The following SYNE2 variants were observed in gnomAD, a reference collection of about 807,000 sequenced individuals.
SYNE2 encodes the protein spectrin repeat containing nuclear envelope protein 2, also known as nesprin-2.
Under a neutral mutation model 856.3 loss-of-function variants are expected in SYNE2, and 431 were observed. The ratio of observed to expected loss-of-function variants is 0.50; its 90% confidence interval spans 0.47 to 0.55. The LOEUF (loss-of-function observed/expected upper bound fraction) is 0.55, where lower values mean the gene tolerates loss of function less well. Ranked by LOEUF, SYNE2 falls within the 20% of genes least tolerant of loss-of-function variation. The pLI, the probability that SYNE2 is intolerant of heterozygous loss-of-function variation, is 0.00. For missense variants in SYNE2, 8,129 were observed against 8,023.2 expected, an observed-to-expected ratio of 1.01 and a Z score of -0.50; for synonymous variants, 2,923 against 2,872.3, an observed-to-expected ratio of 1.02 and a Z score of -0.56.
At chr14:63,851,766 C>CAT (rs1351882870), upstream of SYNE2, among the ~76,000 whole-genome samples, 1 of 151,916 alleles carries the variant, frequency 6.6e-6, no homozygotes, top group East Asian at 1.9e-4. Context: ...TAGCCACAGA[C>CAT]ATATATATGA....
intron 109 of SYNE2, among the ~76,000 whole-genome samples, 165 bp from the exon 110 acceptor site, chr14:64,219,043 G>C (rs2098679803): frequency 6.6e-6 from 1 of 150,844 alleles, no homozygotes; most frequent in African/African-American, 2.4e-5. Flanking sequence ...CCACATTCCA[G>C]GAGAAGAGAG....
At chr14:64,111,840 A>G (rs1413614660) in intron 65 of SYNE2, among the ~76,000 whole-genome samples, 1 of 152,202 alleles carries the variant, frequency 6.6e-6, no homozygotes, top group Admixed American at 6.6e-5. Flanking sequence ...AAATTAAAAC[A>G]GTTGAATCCA....
In SYNE2 at chr14:64,026,792, A is replaced by T; in HGVS notation, c.6404+62A>T. ...ATTGCCCAGTGAAGCCATAACAAGT[A>T]TGTTTTGTCTGCCCCCTGGGTTTGG... On this transcript the variant is annotated intron_variant, in intron 42 of 115. Transcript: ENST00000555002. The T allele has an allele frequency of 1.9e-6, 3 of 1,545,682 alleles. No individual in the cohort carries two copies. The South Asian group carries it at 3.6e-5, about 18-fold the overall frequency.
chr14:64,142,076 T>G lies in SYNE2; in HGVS notation c.15294T>G (p.Leu5098=). The change falls in exon 82 of 116, where the codon CTT becomes CTG. Residue 5098 remains leucine, a synonymous_variant. Coordinates refer to ENST00000555002, the MANE Select transcript of SYNE2 (RefSeq NM_182914.3). ...PSSASQVKHL[L]QKHKEFRMEM... ...CTGCATCTCAAGTTAAACATCTTCTTCAGAAGCACAAGGTAATTATGCAAA... is the reference window on the plus strand; with the variant it reads ...CTGCATCTCAAGTTAAACATCTTCTGCAGAAGCACAAGGTAATTATGCAAA... 2 of 1,613,984 alleles carry G rather than the reference T, an allele frequency of 1.2e-6. No homozygotes were observed. The highest frequency in any genetic ancestry group is 1.7e-6 in the Non-Finnish European group (2 of 1,179,968).
At chr14:63,961,218 C>T (rs2096309118) in intron 8 of SYNE2, among the ~76,000 whole-genome samples, 1 of 152,240 alleles carries the variant, frequency 6.6e-6, no homozygotes, top group Non-Finnish European at 1.5e-5. Flanking sequence ...TTCTCCTCTT[C>T]ATCCTCTCTG....
At chr14:64,134,999 C>G (rs1379354450) in intron 78 of SYNE2, among the ~76,000 whole-genome samples, 1 of 133,600 alleles carries the variant, frequency 7.5e-6, no homozygotes, top group Admixed American at 7.2e-5. Flanking sequence ...AACAAAAAAA[C>G]AAAAACCCTC....
chr14:64,106,636 G>C (rs575342644), intron 64 of SYNE2, among the ~76,000 whole-genome samples: 14 of 152,280 alleles, frequency 9.2e-5, no homozygotes, highest in African/African-American at 3.4e-4. Flanking sequence ...GCGACAGAGC[G>C]AGACTCCGTC....
In SYNE2 at chr14:64,093,377, A is replaced by T. The variant is rs1419900332; in HGVS notation, c.12005A>T (p.Asp4002Val). 6.2e-7 allele frequency: 1 copy of T among 1,614,078 alleles called. No individual in the cohort carries two copies. Among genetic ancestry groups the T allele is most frequent in the Admixed American group, 1.7e-5 (1 of 60,028 alleles). ...GTCATAAAACAGACCAATGAATGGG[A>T]TGAAGAAATAGAAAATTTGAAACAG... is the stretch of plus-strand genomic sequence containing the variant. ...KVVIKQTNEWDEEIENLKQIL... is the reference protein window; with the variant it reads ...KVVIKQTNEWVEEIENLKQIL... Residue 4002 changes from aspartate to valine, a missense_variant, in exon 61 of 116, where the codon GAT becomes GTT. Asp to Val is a radical substitution (Grantham distance 152, BLOSUM62 -3). Around this residue, in one of 3 missense-constraint regions of SYNE2, gnomAD observed 5,410 missense variants for 5,284.8 expected, o/e 1.02. Coordinates refer to ENST00000555002, the MANE Select transcript of SYNE2 (RefSeq NM_182914.3).
chr14:64,181,971 C>T (rs1369659524), intron 96 of SYNE2, among the ~76,000 whole-genome samples: 1 of 152,124 alleles, frequency 6.6e-6, no homozygotes, highest in Non-Finnish European at 1.5e-5. Flanking sequence ...AGTTCCTCTC[C>T]ACAGAAGCAA....
At chr14:63,954,050 A>G (rs2096207669) in intron 7 of SYNE2, among the ~76,000 whole-genome samples, 1 of 152,116 alleles carries the variant, frequency 6.6e-6, no homozygotes, top group Non-Finnish European at 1.5e-5. Context: ...AAGTGCTGGG[A>G]TTGCAGGCAT....
chr14:63,970,950 G>A (rs1339380117), intron 11 of SYNE2, among the ~76,000 whole-genome samples: 1 of 151,674 alleles, frequency 6.6e-6, no homozygotes, highest in Non-Finnish European at 1.5e-5. Flanking sequence ...ACTGTGCCTG[G>A]CCCCCGTTTC....
intron 92 of SYNE2, among the ~76,000 whole-genome samples, chr14:64,168,541 A>C (rs932927234): frequency 2.0e-5 from 3 of 152,208 alleles, no homozygotes; most frequent in Non-Finnish European, 2.9e-5. Context: ...TTTATACCTT[A>C]GATTCCTCCT....
At chr14:63,921,677 G>A (rs1459242705) in intron 2 of SYNE2, among the ~76,000 whole-genome samples, 2 of 152,178 alleles carry the variant, frequency 1.3e-5, no homozygotes, top group African/African-American at 2.4e-5. Flanking sequence ...GAATTAGGTA[G>A]TGTTTGGGGC....
At chr14:64,021,750 C>G in intron 36 of SYNE2, 107 bp from the exon 37 acceptor site, 1 of 1,259,338 alleles carries the variant, frequency 7.9e-7, no homozygotes, top group Non-Finnish European at 1.1e-6. Context: ...TGAATCCACT[C>G]AACAGAGAGT....
chr14:63,962,583 C>T (rs1292568456), intron 9 of SYNE2, among the ~76,000 whole-genome samples: 1 of 152,198 alleles, frequency 6.6e-6, no homozygotes, highest in Non-Finnish European at 1.5e-5. Context: ...GTGTTCTACT[C>T]TTAATCCCTA....
At chr14:63,950,078 ACACCTCCC>A in intron 7 of SYNE2, 72 bp downstream of exon 7, 7 of 1,474,760 alleles carry the variant, frequency 4.7e-6, no homozygotes, top group Non-Finnish European at 6.6e-6. Context: ...CACCACCCAA[ACACCTCCC>A]TCACTTAACA....
intron 10 of SYNE2, 130 bp downstream of exon 10, chr14:63,964,130 C>T (rs1377124065): frequency 1.2e-5 from 8 of 651,564 alleles, no homozygotes; most frequent in Non-Finnish European, 1.9e-5. Flanking sequence ...AGGCTGAATT[C>T]TAGGACTGTA....
chr14:64,110,597 C>A (rs1314322416), intron 65 of SYNE2, among the ~76,000 whole-genome samples: 1 of 143,054 alleles, frequency 7.0e-6, no homozygotes, highest in African/African-American at 2.6e-5. Flanking sequence ...CACCCCCCCC[C>A]CCCCGCCAAA....
intron 6 of SYNE2, among the ~76,000 whole-genome samples, chr14:63,948,346 A>G (rs1255864): frequency 0.47 from 71,915 of 151,938 alleles, 18,331 homozygotes; most frequent in South Asian, 0.56. Flanking sequence ...ACTATTTCTC[A>G]TTTGACCCAT....
Sources: allele counts gnomAD v4.1 joint callset (sites outside exome capture counted in the v4.1 genomes callset), GRCh38; gene constraint gnomAD v4.1.1; regional missense constraint gnomAD v4.1.1; transcripts MANE v1.5; gene names NCBI Gene and HGNC (gene_info 2026-07-23, HGNC 2026-07-21).